CFAP46: variants seen among roughly 807,000 people sequenced by gnomAD.
CFAP46 encodes cilia- and flagella-associated protein 46.
CFAP46 carries 245 observed loss-of-function variants against 325.7 expected under a neutral mutation model. The observed-to-expected ratio is 0.75, with a 90% CI of 0.68 to 0.84. The LOEUF (loss-of-function observed/expected upper bound fraction) is 0.84, where lower values mean the gene tolerates loss of function less well. Ranked by LOEUF, CFAP46 falls within the 40% of genes least tolerant of loss-of-function variation. The pLI, the probability that CFAP46 is intolerant of heterozygous loss-of-function variation, is 0.00. For missense variants in CFAP46, 3,346 were observed against 3,543.0 expected, an observed-to-expected ratio of 0.94 and a Z score of 1.41; for synonymous variants, 1,523 against 1,495.9, an observed-to-expected ratio of 1.02 and a Z score of -0.42.
At chr10:132,907,043 G>T (rs2135515860) in intron 22 of CFAP46, among the ~76,000 whole-genome samples, 1 of 152,380 alleles carries the variant, frequency 6.6e-6, no homozygotes, top group South Asian at 2.1e-4. Context: ...TCCTATGTTG[G>T]CCTCGCATCC....
chr10:132,909,583 G>C (rs7094109), intron 20 of CFAP46, among the ~76,000 whole-genome samples: 75,523 of 152,058 alleles, frequency 0.5, 20,234 homozygotes, highest in African/African-American at 0.7. Flanking sequence ...CCCCACTAGG[G>C]CCTGGCTCCT....
chr10:132,883,646 C>T (rs889350456), intron 27 of CFAP46, among the ~76,000 whole-genome samples: 20 of 152,368 alleles, frequency 1.3e-4, no homozygotes, highest in African/African-American at 4.3e-4. Flanking sequence ...GACCGGGCCA[C>T]GCCAGAACTC....
In CFAP46 at chr10:132,872,515, A is replaced by C. The variant is rs1330326793; in HGVS notation, c.4511+161T>G. ...ATCAAATAGTCCTCCCGTCCCAACC[A>C]AAAATACCATTTTCATATTCAAATA... On this transcript the variant is annotated intron_variant, in intron 32 of 57. Transcript: ENST00000368586. 7 of 957,852 alleles carry C rather than the reference A, an allele frequency of 7.3e-6. No homozygotes were observed. The African/African-American group carries it at 1.1e-4, about 16-fold the overall frequency. 59.3% of individuals were successfully genotyped at this position (957,852 alleles called of 1,614,324 possible).
chr10:132,893,790 T>C (rs1228830677), intron 24 of CFAP46, among the ~76,000 whole-genome samples: 2 of 152,252 alleles, frequency 1.3e-5, no homozygotes, highest in African/African-American at 4.8e-5. Flanking sequence ...GCTCTAAGAC[T>C]TGCCTCTGTC....
chr10:132,816,447 T>C (rs1565032894), intron 50 of CFAP46, among the ~76,000 whole-genome samples: 1 of 150,174 alleles, frequency 6.7e-6, no homozygotes, highest in Non-Finnish European at 1.5e-5. Flanking sequence ...TTCTCCTGCC[T>C]CAGCCTCCCG....
chr10:132,829,123 G>A (rs11146534), intron 50 of CFAP46, among the ~76,000 whole-genome samples: 1 of 149,316 alleles, frequency 6.7e-6, no homozygotes, highest in Non-Finnish European at 1.5e-5. Context: ...ATTTTGACTA[G>A]AATTGTGTGG....
chr10:132,814,940 G>A (rs1190649005), intron 50 of CFAP46, 26 bp from the exon 51 acceptor site: 2 of 1,611,896 alleles, frequency 1.2e-6, no homozygotes, highest in Admixed American at 1.7e-5. Context: ...AAGAGGCAGG[G>A]ATGTTTGGCA....
intron 50 of CFAP46, among the ~76,000 whole-genome samples, chr10:132,821,593 GC>G (rs1847831699): frequency 7.1e-6 from 1 of 140,128 alleles, no homozygotes; most frequent in Non-Finnish European, 1.5e-5. Context: ...CTGTGTGTGT[GC>G]TGTGTGCTGT....
intron 33 of CFAP46, among the ~76,000 whole-genome samples, chr10:132,867,948 G>A (rs553532192): frequency 2.1e-4 from 32 of 152,308 alleles, no homozygotes; most frequent in Non-Finnish European, 4.3e-4. Context: ...CCCCGGCCAC[G>A]GCCCCCGGCT....
chr10:132,824,368 G>A (rs1249206723), intron 50 of CFAP46, among the ~76,000 whole-genome samples: 3 of 139,124 alleles, frequency 2.2e-5, no homozygotes, highest in Admixed American at 7.1e-5. Context: ...GATGTGTGCT[G>A]TGTGAGTGCT....
At chr10:132,902,090 T>C (rs1237379975) in intron 22 of CFAP46, among the ~76,000 whole-genome samples, 1 of 152,252 alleles carries the variant, frequency 6.6e-6, no homozygotes, top group Non-Finnish European at 1.5e-5. Context: ...TCTTTGCGTT[T>C]ATCCCACTTG....
Position 132,847,386 on chromosome 10 carries a change from C to G in CFAP46, c.5953-65G>C. 1 of 1,594,308 alleles carries G rather than the reference C, an allele frequency of 6.3e-7. No homozygotes were observed. Among genetic ancestry groups the G allele is most frequent in the Non-Finnish European group, 8.6e-7 (1 of 1,167,654 alleles). ...CCTGCTTGGTCGGCGTGGGGAGGGC[C>G]CACCCAGGGAGGCCGGGGTGGTCGG... On this transcript the variant is annotated intron_variant, in intron 41 of 57. Coordinates refer to ENST00000368586, the MANE Select transcript of CFAP46 (RefSeq NM_001200049.3). This position sits in a 1 kb window ranked among gnomAD's most constrained non-coding sequence, Gnocchi z 5.2.
chr10:132,871,767 A>G (rs1415493981), intron 32 of CFAP46, among the ~76,000 whole-genome samples: 2 of 152,234 alleles, frequency 1.3e-5, no homozygotes, highest in Non-Finnish European at 2.9e-5. Context: ...AGATGCTGTG[A>G]ACACTGTGGA....
chr10:132,810,160 G>T (rs548545010), intron 57 of CFAP46, among the ~76,000 whole-genome samples: 4 of 152,346 alleles, frequency 2.6e-5, no homozygotes, highest in African/African-American at 9.6e-5. Context: ...GGAGCCACGT[G>T]GCACTGTGGG....
intron 37 of CFAP46, 125 bp from the exon 38 acceptor site, chr10:132,859,372 A>G: frequency 1.3e-6 from 1 of 781,078 alleles, no homozygotes; most frequent in East Asian, 2.7e-5. Flanking sequence ...CTTTCGGAGC[A>G]TTTCTCGAAA....
intron 10 of CFAP46, among the ~76,000 whole-genome samples, chr10:132,925,837 G>A (rs931897120): frequency 1.3e-5 from 2 of 152,186 alleles, no homozygotes; most frequent in Non-Finnish European, 2.9e-5. Flanking sequence ...CTCATCCCCT[G>A]CCACGGCACC....
At chr10:132,940,316 T>C (rs890052400) in intron 4 of CFAP46, among the ~76,000 whole-genome samples, 1 of 152,144 alleles carries the variant, frequency 6.6e-6, no homozygotes, top group Admixed American at 6.5e-5. Flanking sequence ...CAAATATGCT[T>C]GAAACTGTCA....
intron 5 of CFAP46, 59 bp from the exon 6 acceptor site, chr10:132,937,734 TA>T: frequency 1.9e-6 from 3 of 1,542,360 alleles, no homozygotes; most frequent in Non-Finnish European, 2.6e-6. Context: ...TCCTATCTAA[TA>T]ACCAGGTTAT....
intron 10 of CFAP46, 59 bp from the exon 11 acceptor site, chr10:132,924,945 G>A (rs1167594012): frequency 6.7e-6 from 9 of 1,334,214 alleles, no homozygotes; most frequent in Admixed American, 7.3e-5. Context: ...CGGGGCTGGG[G>A]CGGCACCTGC....
Sources: gnomAD v4.1 joint callset for allele counts (sites outside exome capture counted in the v4.1 genomes callset) on GRCh38, gnomAD v4.1.1 for gene constraint, Gnocchi (gnomAD v3.1) non-coding constraint, MANE v1.5 for transcripts, NCBI Gene and HGNC (gene_info 2026-07-23, HGNC 2026-07-21) for gene names.